The following BRPF1 variants were observed in gnomAD, a reference collection of about 807,000 sequenced individuals.
The protein encoded by BRPF1 is bromodomain and PHD finger containing 1.
BRPF1 carries 15 observed loss-of-function variants against 115.0 expected under a neutral mutation model. That is an observed-to-expected ratio of 0.13 (90% confidence interval 0.09 to 0.20). The LOEUF (loss-of-function observed/expected upper bound fraction) is 0.20. Ranked by LOEUF, BRPF1 falls within the 10% of genes least tolerant of loss-of-function variation. The pLI is 1.00. For missense variants in BRPF1, 1,118 were observed against 1,638.3 expected (o/e 0.68, Z 5.48); for synonymous variants, 647 against 619.8 (o/e 1.04, Z -0.65).
rs750391785 is a variant in BRPF1, at chr3:9,734,315, C to T, written c.175C>T (p.Arg59Cys). The T allele has an allele frequency of 2.5e-6, 4 of 1,614,112 alleles. No individual in the cohort carries two copies. The highest frequency in any genetic ancestry group is 2.5e-6 in the Non-Finnish European group (3 of 1,180,038). ...ACCACCCCCACAACAAACTCCACTC[C>T]GCAAGCACAAGAAAAAGGGGCGCCA... The part of the protein sequence containing the change: ...NPPPPQQTPL[R>C]KHKKKGRQSR... The change falls in exon 2 of 14, where the codon CGC (arginine) becomes TGC (cysteine). Residue 59 changes from arginine to cysteine, a missense_variant. Coordinates refer to ENST00000383829, the MANE Select transcript of BRPF1 (RefSeq NM_001003694.2). The surrounding 1 kb of genome is among the most constrained non-coding windows in gnomAD (Gnocchi z 5.7).
In BRPF1 at chr3:9,745,648, T is replaced by C. The variant is rs1330337819; in HGVS notation, c.3144T>C (p.Asp1048=). ...CTTTCCCAGAGGACAGCAGTGAGGA[T>C]ACCTCAGGCACTGAGAATGAGGCCT... is the stretch of plus-strand genomic sequence containing the variant. The part of the protein sequence containing the change: ...RGTFPEDSSE[D]TSGTENEAYS... The change falls in exon 11 of 14, where the codon GAT becomes GAC. Residue 1048 remains aspartate (D), a synonymous_variant. Coordinates refer to ENST00000383829, the MANE Select transcript of BRPF1 (RefSeq NM_001003694.2). This position sits in a 1 kb window ranked among gnomAD's most constrained non-coding sequence, Gnocchi z 5.1. The C allele has an allele frequency of 1.9e-6, 3 of 1,614,236 alleles. No homozygotes were observed.
In BRPF1 at chr3:9,746,291, T is replaced by C. The variant is rs367866434; in HGVS notation, c.3325-9T>C. 2.6e-6 allele frequency: 4 copies of C among 1,541,176 alleles called. No homozygotes were observed. The African/African-American group carries it at 4.1e-5, about 16-fold the overall frequency. ...ACTGAACCAAACTGGGCTCTTATTA[T>C]ATCCTCAGATCATTGATCCAAAGAT... is the stretch of plus-strand genomic sequence containing the variant. On this transcript the variant is annotated splice_polypyrimidine_tract_variant and intron_variant, in intron 12 of 13. Transcript: ENST00000383829.
In BRPF1 at chr3:9,743,092, A is replaced by G. The variant is rs1167894991; in HGVS notation, c.2150A>G (p.Asp717Gly). The G allele has an allele frequency of 6.2e-7, 1 of 1,614,254 alleles. No individual in the cohort carries two copies. Among genetic ancestry groups the G allele is most frequent in the South Asian group, 1.1e-5 (1 of 91,088 alleles). Residue 717 changes from aspartate (D) to glycine (G), a missense_variant, in exon 7 of 14, where the codon GAC (aspartate) becomes GGC (glycine). Asp to Gly is a moderately conservative substitution (Grantham distance 94). Transcript: ENST00000383829. This position sits in a 1 kb window ranked among gnomAD's most constrained non-coding sequence, Gnocchi z 6.1. ...AACTGCCTCAAGTATAACGCCAAGG[A>G]CACCATCTTCTACCGGGCAGCAGTG... ...VSNCLKYNAK[D>G]TIFYRAAVRL...
Position 9,734,044 on chromosome 3 carries a change from G to A in BRPF1, c.-10-87G>A. 1 of 1,507,410 alleles carries A rather than the reference G, an allele frequency of 6.6e-7. No homozygotes were observed. The highest frequency in any genetic ancestry group is 8.8e-7 in the Non-Finnish European group (1 of 1,134,050). 93.4% of individuals were successfully genotyped at this position (1,507,410 alleles called of 1,614,324 possible). On this transcript the variant is annotated intron_variant, in intron 1 of 13. Transcript: ENST00000383829. The surrounding 1 kb of genome is among the most constrained non-coding windows in gnomAD (Gnocchi z 5.7). ...GCCAGAATCTGGTGACTCCAAGTGAGGGGGAGGGCTAGAAAGACTGGGGTC... is the reference window on the plus strand; with the variant it reads ...GCCAGAATCTGGTGACTCCAAGTGAAGGGGAGGGCTAGAAAGACTGGGGTC...
intron 12 of BRPF1, 115 bp from the exon 13 acceptor site, chr3:9,746,185 T>G (rs1003887952): frequency 3.0e-6 from 4 of 1,318,658 alleles, no homozygotes; most frequent in Non-Finnish European, 4.2e-6. Context: ...ATTGCAGTTC[T>G]AGTAGCATGA....
At chr3:9,746,578 A>T in intron 13 of BRPF1, 124 bp downstream of exon 13, 4 of 1,215,296 alleles carry the variant, frequency 3.3e-6, no homozygotes, top group Non-Finnish European at 4.4e-6. Flanking sequence ...TGGGGGAGGG[A>T]CTTAGAACAG....
At position 9,741,354 on chromosome 3, in the gene BRPF1, C is replaced by T. The variant is rs2077026516; in HGVS notation, c.1769C>T (p.Ser590Phe). 6.2e-7 allele frequency: 1 copy of T among 1,607,272 alleles called. No individual in the cohort carries two copies. The highest frequency in any genetic ancestry group is 8.5e-7 in the Non-Finnish European group (1 of 1,175,064). The stretch of plus-strand genomic sequence containing the variant: ...TGGGCCCTTAAAGAACAGCTCAAGT[C>T]CTGGCAGCGGCTCCGGCATGACTTG... ...KNWALKEQLK[S>F]WQRLRHDLER... The change falls in exon 5 of 14, where the codon TCC becomes TTC. Residue 590 changes from serine (S) to phenylalanine (F), a missense_variant. Physicochemically the swap from Ser to Phe is radical, Grantham distance 155. Around this residue, in one of 10 missense-constraint regions of BRPF1, gnomAD observed 178 missense variants for 303.7 expected, o/e 0.59. Transcript: ENST00000383829.
chr3:9,745,286 T>C lies in BRPF1; in HGVS notation c.3068+131T>C. 1 of 1,142,546 alleles carries C rather than the reference T, an allele frequency of 8.8e-7. No homozygotes were observed. Among genetic ancestry groups the C allele is most frequent in the South Asian group, 1.6e-5 (1 of 62,500 alleles). The allele number at this position is 1,142,546 out of a possible 1,614,324, so 70.8% of individuals were successfully genotyped here. A position where few individuals can be genotyped will look rare whatever the true frequency, so the allele number is the denominator to read the frequency against. The stretch of plus-strand genomic sequence containing the variant: ...AGATTAAGATGGCTCAAACTCAAGG[T>C]TCTCTGCTAAATAAATAAATCAGTG... On this transcript the variant is annotated intron_variant, in intron 10 of 13. Coordinates refer to ENST00000383829, the MANE Select transcript of BRPF1 (RefSeq NM_001003694.2). The surrounding 1 kb of genome is among the most constrained non-coding windows in gnomAD (Gnocchi z 5.1).
chr3:9,740,941 G>A lies in BRPF1; in HGVS notation c.1722G>A (p.Gly574=). ...LQSQRNCDQV[G]RDSEDKNWAL... is the part of the protein sequence containing the mutation. Reference sequence around the variant, plus strand: ...CTCAGAGGAACTGTGACCAAGTTGGGGTACTGTGTCCAGTTCCCTGTGGGC... The same window carrying A: ...CTCAGAGGAACTGTGACCAAGTTGGAGTACTGTGTCCAGTTCCCTGTGGGC... Residue 574 remains glycine, a splice_region_variant and synonymous_variant, in exon 4 of 14, where the codon GGG becomes GGA. Transcript: ENST00000383829. 1 of 1,610,590 alleles carries A rather than the reference G, an allele frequency of 6.2e-7. No homozygotes were observed. Among genetic ancestry groups the A allele is most frequent in the Non-Finnish European group, 8.5e-7 (1 of 1,179,748 alleles).
chr3:9,745,020 A>T lies in BRPF1; in HGVS notation c.2933A>T (p.Asn978Ile). The change falls in exon 10 of 14, where the codon AAT becomes ATT. Residue 978 changes from asparagine to isoleucine, a missense_variant. Physicochemically the swap from Asn to Ile is moderately radical, Grantham distance 149. Transcript: ENST00000383829. This position sits in a 1 kb window ranked among gnomAD's most constrained non-coding sequence, Gnocchi z 5.1. Reference protein sequence around the residue: ...TEDPPMDLPANGFSGGNQPVK... With the variant: ...TEDPPMDLPAIGFSGGNQPVK... ...CCCTTCAACCAAGACTTACCAGCCA[A>T]TGGCTTCAGCGGTGGAAACCAACCA... 1 of 1,614,192 alleles carries T rather than the reference A, an allele frequency of 6.2e-7. No individual in the cohort carries two copies. Among genetic ancestry groups the T allele is most frequent in the Non-Finnish European group, 8.5e-7 (1 of 1,180,022 alleles).
intron 3 of BRPF1, among the ~76,000 whole-genome samples, chr3:9,740,283 A>G (rs1333308262): frequency 6.6e-6 from 1 of 152,194 alleles, no homozygotes; most frequent in East Asian, 1.9e-4. Context: ...TCTGAATATG[A>G]AGAAACAAAT....
intron 4 of BRPF1, 119 bp downstream of exon 4, chr3:9,741,060 C>T (rs1054751303): frequency 6.4e-5 from 76 of 1,180,016 alleles, no homozygotes; most frequent in Non-Finnish European, 8.8e-5. Flanking sequence ...TTAAGCTAGC[C>T]CTCAAACCAG....
rs751247328 is a variant in BRPF1, at chr3:9,745,558, T to C, written c.3069-15T>C. On this transcript the variant is annotated splice_polypyrimidine_tract_variant and intron_variant, in intron 10 of 13. Transcript: ENST00000383829. This position sits in a 1 kb window ranked among gnomAD's most constrained non-coding sequence, Gnocchi z 5.1. ...TCCCCTCCTTTGAGCTGAGCTCCCA[T>C]TGTCTTGTCCACAGCACAACGCCCT... is the stretch of plus-strand genomic sequence containing the variant. 3 of 1,613,130 alleles carry C rather than the reference T, an allele frequency of 1.9e-6. No homozygotes were observed. In the South Asian group the frequency reaches 3.3e-5, roughly 18 times the overall value.
rs535025780 is a variant in BRPF1 at position 9,744,533 on chromosome 3, C to T, written c.2920+25C>T. 5.3e-4 allele frequency: 789 copies of T among 1,479,062 alleles called. 12 individuals are homozygous for T. In the South Asian group the frequency reaches 0.011, roughly 20 times the overall value. The allele number at this position is 1,479,062 out of a possible 1,614,324, so 91.6% of individuals were successfully genotyped here. Reference sequence around the variant, plus strand: ...GGTGAGCCTTACCATCACCCAGCCCCCCAAGAGAGTGAGCAAAGCTGCCAT... The same window carrying T: ...GGTGAGCCTTACCATCACCCAGCCCTCCAAGAGAGTGAGCAAAGCTGCCAT... On this transcript the variant is annotated intron_variant, in intron 9 of 13. Transcript: ENST00000383829.
rs577570850 is a variant in BRPF1, at chr3:9,731,752, T to TCGCCGCCGCTGCTGC, written c.-384_-370dup. Reference sequence around the variant, plus strand: ...CCACGTTTACCCTGCGCAGACGCCGTCGCCGCCGCTGCTGCCGCCGCCGCT... The same window carrying TCGCCGCCGCTGCTGC: ...CCACGTTTACCCTGCGCAGACGCCGTCGCCGCCGCTGCTGCCGCCGCCGCTGCTGCCGCCGCCGCT... On this transcript the variant is annotated 5_prime_UTR_variant, in exon 1 of 14. Coordinates refer to ENST00000383829, the MANE Select transcript of BRPF1 (RefSeq NM_001003694.2). 2,040 of 156,012 alleles carry TCGCCGCCGCTGCTGC rather than the reference T, an allele frequency of 0.013. 40 individuals carry two copies. Among genetic ancestry groups the TCGCCGCCGCTGCTGC allele is most frequent in the Middle Eastern group, 0.023 (7 of 308 alleles). The allele number at this position is 156,012 out of a possible 1,614,324, so 9.7% of individuals were successfully genotyped here.
Position 9,743,968 on chromosome 3 carries a change from C to T in BRPF1, c.2635+67C>T. ...CTTTGGCTCTGCAGCACACACTCAA[C>T]CCCTGCCATTCCCCAGGCAGAGGTC... On this transcript the variant is annotated intron_variant, in intron 8 of 13. Coordinates refer to ENST00000383829, the MANE Select transcript of BRPF1 (RefSeq NM_001003694.2). The surrounding 1 kb of genome is among the most constrained non-coding windows in gnomAD (Gnocchi z 6.1). 1 of 1,486,870 alleles carries T rather than the reference C, an allele frequency of 6.7e-7. No individual in the cohort carries two copies. The highest frequency in any genetic ancestry group is 9.0e-7 in the Non-Finnish European group (1 of 1,113,922). 92.1% of individuals were successfully genotyped at this position (1,486,870 alleles called of 1,614,324 possible).
At chr3:9,741,075 A>G (rs1310497647) in intron 4 of BRPF1, 134 bp downstream of exon 4, 1 of 1,074,120 alleles carries the variant, frequency 9.3e-7, no homozygotes, top group African/African-American at 1.6e-5. Context: ...AACCAGGATC[A>G]GCATGGAATG....
In BRPF1 at chr3:9,740,848, C is replaced by T; in HGVS notation, c.1629C>T (p.Tyr543=). Residue 543 remains tyrosine (Y), a synonymous_variant, in exon 4 of 14, where the codon TAC becomes TAT. Transcript: ENST00000383829. The stretch of plus-strand genomic sequence containing the variant: ...AGTTCATGCAGAGGCTGCACAGCTA[C>T]TGGACACTGAAGCGGCAGTCACGGA... ...KSQFMQRLHS[Y]WTLKRQSRNG... is the part of the protein sequence containing the mutation. 1.2e-6 allele frequency: 2 copies of T among 1,614,188 alleles called. No individual in the cohort carries two copies. Among genetic ancestry groups the T allele is most frequent in the African/African-American group, 1.3e-5 (1 of 75,052 alleles).
At chr3:9,741,287 A>G (rs777137097) in intron 4 of BRPF1, 21 bp from the exon 5 acceptor site, 60 of 1,546,512 alleles carry the variant, frequency 3.9e-5, no homozygotes, top group Non-Finnish European at 5.1e-5. Flanking sequence ...TCATCCTCTG[A>G]TCTTCGTTTT....
Sources: gnomAD v4.1 joint callset for allele counts (sites outside exome capture counted in the v4.1 genomes callset) on GRCh38, gnomAD v4.1.1 for gene constraint, gnomAD v4.1.1 regional missense constraint, Gnocchi (gnomAD v3.1) non-coding constraint, MANE v1.5 for transcripts, NCBI Gene and HGNC (gene_info 2026-07-23, HGNC 2026-07-21) for gene names.